C8orf34: variants seen among roughly 807,000 people sequenced by gnomAD.
C8orf34 encodes the protein chromosome 8 open reading frame 34, also known as uncharacterized protein C8orf34.
In C8orf34, 65 loss-of-function variants were observed where a neutral mutation model predicts 68.3. The ratio of observed to expected loss-of-function variants is 0.95; its 90% CI spans 0.78 to 1.17. C8orf34 has a LOEUF of 1.17. Ranked by LOEUF, C8orf34 falls within the 50% of genes most tolerant of loss-of-function variation. The pLI is 0.00. For missense variants in C8orf34, 664 were observed against 655.4 expected (o/e 1.01, Z -0.14); for synonymous variants, 244 against 241.2 (o/e 1.01, Z -0.11).
chr8:68,650,844 A>T (rs2130776787), intron 8 of C8orf34, among the ~76,000 whole-genome samples: 1 of 152,170 alleles, frequency 6.6e-6, no homozygotes, highest in Non-Finnish European at 1.5e-5. Flanking sequence ...CTGGTTCTTC[A>T]CTATATACGT....
At chr8:68,617,446 T>G (rs556174390) in intron 7 of C8orf34, among the ~76,000 whole-genome samples, 74 of 152,352 alleles carry the variant, frequency 4.9e-4, no homozygotes, top group South Asian at 2.3e-3. Flanking sequence ...CCATATTTAG[T>G]GCTTCCTTCA....
At chr8:68,772,754 C>T (rs1310048307) in intron 10 of C8orf34, among the ~76,000 whole-genome samples, 1 of 138,370 alleles carries the variant, frequency 7.2e-6, no homozygotes, top group Non-Finnish European at 1.5e-5. Flanking sequence ...TCTTTCTCTC[C>T]TTCCTTCTTT....
In C8orf34 at chr8:68,719,822, A is replaced by G. The variant is rs78811977; in HGVS notation, c.1328-1539A>G. ...TAGAACATTTTAATGTTATTTATTTATTAAGTCAATAGATTACTGAAATAA... is the reference window on the plus strand; with the variant it reads ...TAGAACATTTTAATGTTATTTATTTGTTAAGTCAATAGATTACTGAAATAA... On this transcript the variant is annotated intron_variant, in intron 9 of 13. Transcript: ENST00000518698. Among the ~76,000 whole-genome samples, 291 of 152,086 alleles carry G rather than the reference A, an allele frequency of 1.9e-3. 5 individuals are homozygous for G. The East Asian group carries it at 0.025, about 13-fold the overall frequency.
chr8:68,472,943 G>A (rs1264613946), intron 4 of C8orf34, among the ~76,000 whole-genome samples: 1 of 152,060 alleles, frequency 6.6e-6, no homozygotes, highest in African/African-American at 2.4e-5. Flanking sequence ...TACCATACTG[G>A]ACATCACTGC....
At chr8:68,806,662 G>A (rs1824496183) in intron 12 of C8orf34, among the ~76,000 whole-genome samples, 1 of 152,026 alleles carries the variant, frequency 6.6e-6, no homozygotes, top group Admixed American at 6.5e-5. Flanking sequence ...TTAATCCTAG[G>A]TTCTTTGTAT....
chr8:68,642,450 T>C (rs1413539800), intron 8 of C8orf34, among the ~76,000 whole-genome samples: 1 of 150,892 alleles, frequency 6.6e-6, no homozygotes, highest in African/African-American at 2.5e-5. Flanking sequence ...GAATCTGAGA[T>C]TTTTTCCCAT....
intron 1 of C8orf34, among the ~76,000 whole-genome samples, chr8:68,352,068 G>T (rs185571826): frequency 1.3e-5 from 2 of 151,734 alleles, no homozygotes; most frequent in Non-Finnish European, 2.9e-5. Context: ...GAGTTTTAAG[G>T]GTTCTTTGTA....
intron 1 of C8orf34, among the ~76,000 whole-genome samples, chr8:68,357,296 A>G (rs967217587): frequency 2.6e-5 from 4 of 152,172 alleles, no homozygotes; most frequent in Admixed American, 1.3e-4. Context: ...AATGTTAAGT[A>G]GGTGACAATG....
chr8:68,540,638 G>C (rs964575279), intron 7 of C8orf34, among the ~76,000 whole-genome samples: 1 of 151,950 alleles, frequency 6.6e-6, no homozygotes, highest in South Asian at 2.1e-4. Flanking sequence ...GTCAGAGTTT[G>C]AGACGAGCCT....
intron 7 of C8orf34, among the ~76,000 whole-genome samples, chr8:68,581,378 A>C (rs1817059114): frequency 1.3e-5 from 2 of 152,076 alleles, no homozygotes; most frequent in Admixed American, 6.6e-5. Context: ...TGAGGGTCTT[A>C]TGACCTGCTT....
intron 8 of C8orf34, among the ~76,000 whole-genome samples, chr8:68,701,887 T>C (rs544424273): frequency 6.6e-6 from 1 of 151,984 alleles, no homozygotes; most frequent in Non-Finnish European, 1.5e-5. Context: ...CTCCCTGTAA[T>C]GCTCTTTCCC....
At chr8:68,615,866 T>A in intron 7 of C8orf34, among the ~76,000 whole-genome samples, 1 of 151,652 alleles carries the variant, frequency 6.6e-6, no homozygotes. Context: ...GAAGGAATGG[T>A]ACCAGTTCCT....
chr8:68,772,743 C>G (rs1177824357), intron 10 of C8orf34, among the ~76,000 whole-genome samples: 2 of 128,572 alleles, frequency 1.6e-5, no homozygotes, highest in Non-Finnish European at 1.6e-5. Context: ...CTTTCTTTCT[C>G]TCTTTCTCTC....
intron 7 of C8orf34, among the ~76,000 whole-genome samples, chr8:68,562,550 C>T (rs1283549600): frequency 2.6e-5 from 4 of 152,120 alleles, no homozygotes; most frequent in Non-Finnish European, 2.9e-5. Context: ...TTACTTAGAA[C>T]AGTGTTGGAG....
At chr8:68,568,052 G>A (rs767079316) in intron 7 of C8orf34, among the ~76,000 whole-genome samples, 4 of 151,988 alleles carry the variant, frequency 2.6e-5, no homozygotes, top group Non-Finnish European at 5.9e-5. Flanking sequence ...AGAGATAGGG[G>A]GATGGCTAGT....
Position 68,608,544 on chromosome 8 carries a change from T to C in C8orf34, c.1106-31832T>C, listed in dbSNP as rs147078623. On this transcript the variant is annotated intron_variant, in intron 7 of 13. Coordinates refer to ENST00000518698, the MANE Select transcript of C8orf34 (RefSeq NM_052958.4). ...GAACAGCATGATGTGTGGACGGAAA[T>C]TGGAAGTAGCCACTCCATGATACTA... Among the ~76,000 whole-genome samples the C allele has an allele frequency of 4.0e-3, 604 of 151,342 alleles. 1 individual carries two copies. Among genetic ancestry groups the C allele is most frequent in the African/African-American group, 0.014 (576 of 41,194 alleles).
intron 1 of C8orf34, among the ~76,000 whole-genome samples, chr8:68,353,022 A>C (rs1806579415): frequency 6.6e-6 from 1 of 152,058 alleles, no homozygotes; most frequent in Non-Finnish European, 1.5e-5. Context: ...TAGATAACTG[A>C]CAACAATTCC....
intron 9 of C8orf34, among the ~76,000 whole-genome samples, chr8:68,720,055 A>T (rs975063002): frequency 2.0e-5 from 3 of 151,956 alleles, no homozygotes; most frequent in Admixed American, 6.6e-5. Flanking sequence ...GTGGATTAAT[A>T]GTTTTGCATT....
At chr8:68,376,800 C>T (rs16934519) in intron 1 of C8orf34, among the ~76,000 whole-genome samples, 5,345 of 152,150 alleles carry the variant, frequency 0.035, 178 homozygotes, top group African/African-American at 0.086. Flanking sequence ...CAGTGGATAA[C>T]TACCCTTCAT....
Sources: gnomAD v4.1 joint callset for allele counts (sites outside exome capture counted in the v4.1 genomes callset) on GRCh38, gnomAD v4.1.1 for gene constraint, MANE v1.5 for transcripts, NCBI Gene and HGNC (gene_info 2026-07-23, HGNC 2026-07-21) for gene names.